The following SDK1 variants were observed in gnomAD, a reference collection of about 807,000 sequenced individuals.
The protein encoded by SDK1 is protein sidekick-1.
A neutral mutation model predicts 245.5 loss-of-function variants in SDK1; 157 were observed. The ratio of observed to expected loss-of-function variants is 0.64; its 90% confidence interval spans 0.56 to 0.73. The LOEUF (loss-of-function observed/expected upper bound fraction) is 0.73, where lower values mean the gene tolerates loss of function less well. SDK1 is among the 30% of genes least tolerant of loss of function. The pLI is 0.00. For missense variants in SDK1, 3,583 were observed against 3,002.3 expected, an observed-to-expected ratio of 1.19 and a Z score of -4.52; for synonymous variants, 1,647 against 1,278.5, an observed-to-expected ratio of 1.29 and a Z score of -6.15.
At chr7:4,234,246 G>A (rs13230364) in intron 41 of SDK1, among the ~76,000 whole-genome samples, 17,042 of 152,262 alleles carry the variant, frequency 0.11, 1,330 homozygotes, top group Non-Finnish European at 0.16. Context: ...ATCCCAGGCT[G>A]GGCATTTCTT....
intron 5 of SDK1, among the ~76,000 whole-genome samples, chr7:3,855,919 G>C (rs1780534190): frequency 6.6e-6 from 1 of 152,152 alleles, no homozygotes. Flanking sequence ...TTCAATTAAT[G>C]AATGGTGAAA....
At chr7:3,399,751 G>T (rs1247724058) in intron 1 of SDK1, among the ~76,000 whole-genome samples, 1 of 152,072 alleles carries the variant, frequency 6.6e-6, no homozygotes, top group Non-Finnish European at 1.5e-5. Context: ...CTTCTGTGAG[G>T]GGCTCTGTAT....
At chr7:3,498,280 G>C (rs895925377) in intron 1 of SDK1, among the ~76,000 whole-genome samples, 2 of 152,130 alleles carry the variant, frequency 1.3e-5, no homozygotes, top group African/African-American at 4.8e-5. Context: ...TCTCTTCTTA[G>C]ATTTTGCTAG....
At chr7:3,839,914 C>G (rs1196859302) in intron 5 of SDK1, among the ~76,000 whole-genome samples, 3 of 151,944 alleles carry the variant, frequency 2.0e-5, no homozygotes, top group Non-Finnish European at 4.4e-5. Context: ...AGCTTTCAAG[C>G]TTAATATATA....
intron 1 of SDK1, among the ~76,000 whole-genome samples, chr7:3,465,186 A>G (rs929028030): frequency 1.3e-4 from 20 of 152,264 alleles, no homozygotes; most frequent in Admixed American, 9.8e-4. Context: ...GGTGAGCCCT[A>G]GAGTGTGCTT....
intron 4 of SDK1, among the ~76,000 whole-genome samples, chr7:3,768,538 A>G (rs555372017): frequency 1.3e-5 from 2 of 152,350 alleles, no homozygotes; most frequent in South Asian, 4.1e-4. Context: ...GATAATCTGA[A>G]TGGATAGTGC....
At chr7:3,738,040 G>A (rs1779368748) in intron 4 of SDK1, among the ~76,000 whole-genome samples, 1 of 152,160 alleles carries the variant, frequency 6.6e-6, no homozygotes, top group Admixed American at 6.5e-5. Context: ...GTTTTGTGAG[G>A]GGACGAAAGC....
chr7:3,950,855 C>G (rs966691271), intron 5 of SDK1, 68 bp from the exon 6 acceptor site: 70 of 1,245,102 alleles, frequency 5.6e-5, no homozygotes, highest in Non-Finnish European at 7.7e-5. Context: ...AACGTGTCCC[C>G]TCAGATAACG....
chr7:3,797,451 G>A (rs906189700), intron 4 of SDK1, among the ~76,000 whole-genome samples: 7 of 101,572 alleles, frequency 6.9e-5, no homozygotes, highest in African/African-American at 2.5e-4. Flanking sequence ...TACAAGAGGG[G>A]TGTGTATACA....
intron 1 of SDK1, among the ~76,000 whole-genome samples, chr7:3,351,304 A>G (rs767226437): frequency 1.3e-5 from 2 of 152,200 alleles, no homozygotes; most frequent in Non-Finnish European, 2.9e-5. Context: ...AAATTGGTGA[A>G]TCATTTTACC....
chr7:3,498,255 T>C (rs1270141288), intron 1 of SDK1, among the ~76,000 whole-genome samples: 1 of 152,236 alleles, frequency 6.6e-6, no homozygotes, highest in Non-Finnish European at 1.5e-5. Flanking sequence ...TGTGTACTCA[T>C]AGACATAGAT....
At chr7:3,779,379 C>G (rs1208693621) in intron 4 of SDK1, among the ~76,000 whole-genome samples, 2 of 151,802 alleles carry the variant, frequency 1.3e-5, no homozygotes, top group South Asian at 2.1e-4. Flanking sequence ...ACAACGTATT[C>G]TGAGACAGAT....
chr7:4,145,679 G>A, intron 28 of SDK1, 43 bp from the exon 29 acceptor site: 1 of 1,550,640 alleles, frequency 6.4e-7, no homozygotes, highest in Non-Finnish European at 8.8e-7. Flanking sequence ...CTGTGCCGTG[G>A]GTGACTGGCT....
At position 3,373,363 on chromosome 7, in the gene SDK1, T is replaced by G. The variant is rs114361118; in HGVS notation, c.298+71479T>G. The stretch of plus-strand genomic sequence containing the variant: ...CATTGCAAAGTTGAAAAATTGCAAG[T>G]CAGGTTCTCTCTGTAATTCAAATTA... On this transcript the variant is annotated intron_variant, in intron 1 of 44. Transcript: ENST00000404826. Among the ~76,000 whole-genome samples, 381 of 152,352 alleles carry G rather than the reference T, an allele frequency of 2.5e-3. 5 individuals are homozygous for G. The highest frequency in any genetic ancestry group is 8.8e-3 in the African/African-American group (365 of 41,580).
rs74720810 is a variant in SDK1, at chr7:4,069,922, C to G, written c.3010+1986C>G. On this transcript the variant is annotated intron_variant, in intron 20 of 44. Coordinates refer to ENST00000404826, the MANE Select transcript of SDK1 (RefSeq NM_152744.4). ...CAGCCAATGGGCATGTGCGCATTCT[C>G]TCCTCTGCAGCGTTGATGTGGTGGG... 3.4e-3 allele frequency among the ~76,000 whole-genome samples: 512 copies of G among 152,312 alleles called. 3 individuals are homozygous for G. The highest frequency in any genetic ancestry group is 0.031 in the South Asian group (149 of 4,822).
intron 4 of SDK1, among the ~76,000 whole-genome samples, chr7:3,716,541 C>T (rs1785206533): frequency 6.6e-6 from 1 of 151,962 alleles, no homozygotes; most frequent in South Asian, 2.1e-4. Context: ...GGGAGGATTG[C>T]TTGAGGCCAG....
intron 1 of SDK1, among the ~76,000 whole-genome samples, chr7:3,411,500 C>A (rs1779200610): frequency 6.6e-6 from 1 of 151,958 alleles, no homozygotes; most frequent in African/African-American, 2.4e-5. Flanking sequence ...CATGTTTTAC[C>A]AATAGAGTAT....
At chr7:3,676,716 A>C (rs553154639) in intron 4 of SDK1, among the ~76,000 whole-genome samples, 9 of 152,322 alleles carry the variant, frequency 5.9e-5, no homozygotes, top group East Asian at 5.8e-4. Context: ...AAAGGAGTTC[A>C]ATTTTATTCT....
At chr7:3,852,425 A>T (rs1408009192) in intron 5 of SDK1, among the ~76,000 whole-genome samples, 6 of 151,950 alleles carry the variant, frequency 3.9e-5, no homozygotes, top group African/African-American at 1.4e-4. Flanking sequence ...AATGAGATTT[A>T]AAAGTTTATT....
Sources: allele counts gnomAD v4.1 joint callset (sites outside exome capture counted in the v4.1 genomes callset), GRCh38; gene constraint gnomAD v4.1.1; transcripts MANE v1.5; gene names NCBI Gene and HGNC (gene_info 2026-07-23, HGNC 2026-07-21).